Variants in RETREG2 observed in about 807,000 individuals in gnomAD.
The protein encoded by RETREG2 is reticulophagy regulator 2.
In RETREG2, 21 loss-of-function variants were observed where a neutral mutation model predicts 51.6. The observed-to-expected ratio is 0.41, with a 90% CI of 0.29 to 0.59. The LOEUF is 0.59. Among genes scored for constraint, RETREG2 ranks in the 20% least tolerant of loss-of-function variants. The pLI is 0.34. For missense variants in RETREG2, 674 were observed against 646.0 expected (o/e 1.04, Z -0.47); for synonymous variants, 339 against 288.6 (o/e 1.17, Z -1.77).
Position 219,179,755 on chromosome 2 carries a change from C to T in RETREG2, c.411C>T (p.His137=), listed in dbSNP as rs775111680. Residue 137 remains histidine, a synonymous_variant, in exon 3 of 9, where the codon CAC becomes CAT. Transcript: ENST00000430297. ...DVSASSPEEP[H]SDSEGAGSGA... is the part of the protein sequence containing the mutation. ...TAGCATCATCCCCAGAGGAGCCACACTCTGACAGGTGAGTACAGGCCACCT... is the reference window on the plus strand; with the variant it reads ...TAGCATCATCCCCAGAGGAGCCACATTCTGACAGGTGAGTACAGGCCACCT... The T allele has an allele frequency of 9.9e-6, 16 of 1,614,022 alleles. No individual in the cohort carries two copies. Among genetic ancestry groups the T allele is most frequent in the Admixed American group, 1.7e-5 (1 of 60,000 alleles).
In RETREG2 at chr2:219,180,090, G is replaced by T. The variant is rs76641841; in HGVS notation, c.420-20G>T. 28 of 1,613,652 alleles carry T rather than the reference G, an allele frequency of 1.7e-5. No homozygotes were observed. In the Admixed American group the frequency reaches 3.8e-4, roughly 22 times the overall value. On this transcript the variant is annotated intron_variant, in intron 3 of 8. Coordinates refer to ENST00000430297, the MANE Select transcript of RETREG2 (RefSeq NM_024293.6). ...AAGCTGGTATCTGAGGCCTCCAGGGGTCATGTCATGTCTCCCCAGTGAGGG... is the reference window on the plus strand; with the variant it reads ...AAGCTGGTATCTGAGGCCTCCAGGGTTCATGTCATGTCTCCCCAGTGAGGG...
chr2:219,180,651 C>T lies in RETREG2; in HGVS notation c.556-19C>T, dbSNP rs757805249. On this transcript the variant is annotated intron_variant, in intron 4 of 8. Transcript: ENST00000430297. The stretch of plus-strand genomic sequence containing the variant: ...CATATCTCAGCGTGATGTTCTTAGA[C>T]TTTTGCTCTTCTCTGCAGTTCTGCG... The T allele has an allele frequency of 1.2e-4, 194 of 1,614,016 alleles. No homozygotes were observed. Among genetic ancestry groups the T allele is most frequent in the Non-Finnish European group, 1.5e-4 (182 of 1,179,994 alleles).
chr2:219,179,882 G>A, intron 3 of RETREG2, 119 bp downstream of exon 3: 2 of 1,288,676 alleles, frequency 1.6e-6, no homozygotes, highest in Non-Finnish European at 1.1e-6. Flanking sequence ...AACAAGCCAT[G>A]GGTTTTTCAT....
intron 2 of RETREG2, among the ~76,000 whole-genome samples, chr2:219,179,431 C>T (rs1335314578): frequency 2.0e-5 from 3 of 152,222 alleles, no homozygotes; most frequent in South Asian, 2.1e-4. Context: ...TAGTGTTTCA[C>T]ATATAAGCCT....
At chr2:219,178,887 C>G in intron 1 of RETREG2, 35 bp from the exon 2 acceptor site, 4 of 1,471,394 alleles carry the variant, frequency 2.7e-6, no homozygotes, top group Non-Finnish European at 2.8e-6. Flanking sequence ...GCCTGTCTCA[C>G]CCACTCACTG....
In RETREG2 at chr2:219,180,250, CCT is replaced by C. The variant is rs752632031; in HGVS notation, c.555+7_555+8del. ...AAGAGGCAGAATCCAGCTCAGGTAACCTCCCCTACATCATACAACAGTTCACT... is the reference window on the plus strand; with the variant it reads ...AAGAGGCAGAATCCAGCTCAGGTAACCCCCTACATCATACAACAGTTCACT... On this transcript the variant is annotated splice_donor_region_variant and intron_variant, in intron 4 of 8. Coordinates refer to ENST00000430297, the MANE Select transcript of RETREG2 (RefSeq NM_024293.6). 1.2e-6 allele frequency: 2 copies of C among 1,614,134 alleles called. No homozygotes were observed. The highest frequency in any genetic ancestry group is 2.7e-5 in the African/African-American group (2 of 75,018).
intron 8 of RETREG2, 34 bp from the exon 9 acceptor site, chr2:219,181,979 C>G: frequency 6.2e-7 from 1 of 1,604,284 alleles, no homozygotes; most frequent in Non-Finnish European, 8.5e-7. Flanking sequence ...AGACCAGCAG[C>G]AGGCCCATTC....
chr2:219,182,867 G>C lies in RETREG2; in HGVS notation c.*238G>C. On this transcript the variant is annotated 3_prime_UTR_variant, in exon 9 of 9. Transcript: ENST00000430297. ...ATTTTCCATTTGGGTTAGTGGATGT[G>C]AACAGGGCTAGGGAAGTCCTTCCCA... 1 of 567,492 alleles carries C rather than the reference G, an allele frequency of 1.8e-6. No homozygotes were observed. Among genetic ancestry groups the C allele is most frequent in the Non-Finnish European group, 3.1e-6 (1 of 317,990 alleles). 35.2% of individuals were successfully genotyped at this position (567,492 alleles called of 1,614,324 possible). A position where few individuals can be genotyped will look rare whatever the true frequency, so the allele number is the denominator to read the frequency against.
At chr2:219,180,645 C>T in intron 4 of RETREG2, 25 bp from the exon 5 acceptor site, 6 of 1,614,144 alleles carry the variant, frequency 3.7e-6, no homozygotes, top group Non-Finnish European at 4.2e-6. Flanking sequence ...GCGTGATGTT[C>T]TTAGACTTTT....
Position 219,182,259 on chromosome 2 carries a change from G to T in RETREG2, c.1262G>T (p.Gly421Val), listed in dbSNP as rs1002962446. ...HFNGAGSPPD[G>V]VKCSPGGPVE... The stretch of plus-strand genomic sequence containing the variant: ...AATGGGGCAGGGTCCCCCCCAGATG[G>T]AGTGAAATGCTCCCCTGGAGGACCA... The change falls in exon 9 of 9, where the codon GGA becomes GTA. Residue 421 changes from glycine (G) to valine (V), a missense_variant. Transcript: ENST00000430297. The T allele has an allele frequency of 1.2e-6, 2 of 1,614,130 alleles. No individual in the cohort carries two copies. The highest frequency in any genetic ancestry group is 1.7e-6 in the Non-Finnish European group (2 of 1,180,008).
chr2:219,182,411 C>T lies in RETREG2; in HGVS notation c.1414C>T (p.Gln472Ter), dbSNP rs1416176494. The T allele has an allele frequency of 6.2e-7, 1 of 1,613,984 alleles. No homozygotes were observed. The highest frequency in any genetic ancestry group is 1.3e-5 in the African/African-American group (1 of 74,892). The change falls in exon 9 of 9, where the codon CAG becomes TAG. Residue 472 changes from glutamine (Q) to a stop codon, truncating the protein, a stop_gained. Transcript: ENST00000430297. LOFTEE classifies it high-confidence loss of function. ...CCCTTCCATTCTCCCACCTGTTCCC[C>T]AGGACTCACCCCAGCCCCTGCCTGC... is the stretch of plus-strand genomic sequence containing the variant. The part of the protein sequence containing the change: ...PSPSILPPVP[Q>*]DSPQPLPAPE...
At chr2:219,181,885 A>T in intron 8 of RETREG2, 110 bp downstream of exon 8, 2 of 1,555,388 alleles carry the variant, frequency 1.3e-6, no homozygotes, top group East Asian at 2.3e-5. Flanking sequence ...CTCAGCTCCT[A>T]AAAGACCTTA....
chr2:219,179,156 T>G lies in RETREG2; in HGVS notation c.388+128T>G, dbSNP rs1423324096. ...GCCTCCCAGGCATGGCCCACTTCCT[T>G]TTTGTACGGAATTCCCTAAAATGAG... On this transcript the variant is annotated intron_variant, in intron 2 of 8. Coordinates refer to ENST00000430297, the MANE Select transcript of RETREG2 (RefSeq NM_024293.6). 5.3e-6 allele frequency: 4 copies of G among 754,138 alleles called. No individual in the cohort carries two copies. The Admixed American group carries it at 7.6e-5, about 14-fold the overall frequency. 46.7% of individuals were successfully genotyped at this position (754,138 alleles called of 1,614,324 possible). A position where few individuals can be genotyped will look rare whatever the true frequency, so the allele number is the denominator to read the frequency against.
chr2:219,180,027 A>G (rs190360704), intron 3 of RETREG2, 83 bp from the exon 4 acceptor site: 22 of 1,555,010 alleles, frequency 1.4e-5, no homozygotes, highest in Non-Finnish European at 1.8e-5. Context: ...TAGACTAAAG[A>G]TATCTTTGGC....
Position 219,178,616 on chromosome 2 carries a change from G to A in RETREG2, c.264G>A (p.Ala88=), listed in dbSNP as rs1270543223. ...KPLHSLVTAA[A]LNGLFWLLSS... is the part of the protein sequence containing the mutation. ...TGCACAGCCTGGTCACGGCGGCCGC[G>A]CTCAACGGCCTCTTCTGGTAACGGC... is the stretch of plus-strand genomic sequence containing the variant. The change falls in exon 1 of 9, where the codon GCG becomes GCA. Residue 88 remains alanine (A), a synonymous_variant. Coordinates refer to ENST00000430297, the MANE Select transcript of RETREG2 (RefSeq NM_024293.6). 3.4e-6 allele frequency: 5 copies of A among 1,458,288 alleles called. No homozygotes were observed. Among genetic ancestry groups the A allele is most frequent in the Middle Eastern group, 2.4e-4 (1 of 4,094 alleles). The allele number at this position is 1,458,288 out of a possible 1,614,324, so 90.3% of individuals were successfully genotyped here. A position where few individuals can be genotyped will look rare whatever the true frequency, so the allele number is the denominator to read the frequency against.
Position 219,178,489 on chromosome 2 carries a change from C to A in RETREG2, c.137C>A (p.Ala46Asp). Residue 46 changes from alanine (A) to aspartate (D), a missense_variant, in exon 1 of 9, where the codon GCC becomes GAC. Physicochemically the swap from Ala to Asp is moderately radical, Grantham distance 126. Transcript: ENST00000430297. Reference protein sequence around the residue: ...TSEAEEEAATAEAVGRLATTL... With the variant: ...TSEAEEEAATDEAVGRLATTL... ...GAGGCAGAGGAGGAGGCGGCCACGGCCGAGGCGGTGGGACGCCTGGCCACG... is the reference window on the plus strand; with the variant it reads ...GAGGCAGAGGAGGAGGCGGCCACGGACGAGGCGGTGGGACGCCTGGCCACG... The A allele has an allele frequency of 2.4e-6, 3 of 1,266,560 alleles. No individual in the cohort carries two copies. The highest frequency in any genetic ancestry group is 3.1e-6 in the Non-Finnish European group (3 of 953,558). The allele number at this position is 1,266,560 out of a possible 1,614,324, so 78.5% of individuals were successfully genotyped here.
Position 219,178,385 on chromosome 2 carries a change from C to A in RETREG2, c.33C>A (p.Gly11=). The change falls in exon 1 of 9, where the codon GGC becomes GGA. Residue 11 remains glycine (G), a synonymous_variant. Transcript: ENST00000430297. The part of the protein sequence containing the change: MASGGGGGNT[G]AGGGPGMGLS... ...GCGGCGGTGGCGGGGGTAACACTGG[C>A]GCGGGTGGGGGGCCGGGGATGGGCC... The A allele has an allele frequency of 4.1e-6, 2 of 483,034 alleles. No individual in the cohort carries two copies. The highest frequency in any genetic ancestry group is 7.2e-6 in the Non-Finnish European group (2 of 278,294). 29.9% of individuals were successfully genotyped at this position (483,034 alleles called of 1,614,324 possible). A position where few individuals can be genotyped will look rare whatever the true frequency, so the allele number is the denominator to read the frequency against.
rs561177288 is a variant in RETREG2 at position 219,181,400 on chromosome 2, T to C, written c.816T>C (p.Gly272=). 7 of 1,613,508 alleles carry C rather than the reference T, an allele frequency of 4.3e-6. No homozygotes were observed. In the East Asian group the frequency reaches 1.1e-4, roughly 26 times the overall value. ...AGGGGAAGAATGCACCCCCAGGAGG[T>C]GATGAGCCACTGGCAGAGACAGAGA... ...KRQGKNAPPG[G]DEPLAETESE... The change falls in exon 7 of 9, where the codon GGT becomes GGC. Residue 272 remains glycine, a synonymous_variant. Transcript: ENST00000430297.
rs1447206987 is a variant in RETREG2, at chr2:219,182,251, C to T, written c.1254C>T (p.Pro418=). 2 of 1,614,018 alleles carry T rather than the reference C, an allele frequency of 1.2e-6. No homozygotes were observed. The highest frequency in any genetic ancestry group is 1.7e-5 in the Admixed American group (1 of 59,990). ...VNTHFNGAGS[P]PDGVKCSPGG... ...CGCACTTCAATGGGGCAGGGTCCCC[C>T]CCAGATGGAGTGAAATGCTCCCCTG... Residue 418 remains proline (P), a synonymous_variant, in exon 9 of 9, where the codon CCC becomes CCT. Transcript: ENST00000430297.
Sources: allele counts gnomAD v4.1 joint callset (sites outside exome capture counted in the v4.1 genomes callset), GRCh38; gene constraint gnomAD v4.1.1; transcripts MANE v1.5; gene names NCBI Gene and HGNC (gene_info 2026-07-23, HGNC 2026-07-21).